Variants in THSD7B observed in about 807,000 individuals in gnomAD.
THSD7B encodes the protein thrombospondin type 1 domain containing 7B.
THSD7B carries 138 observed loss-of-function variants against 213.6 expected under a neutral mutation model. The observed-to-expected ratio is 0.65, with a 90% CI of 0.56 to 0.74. The LOEUF (loss-of-function observed/expected upper bound fraction) is 0.74, where lower values mean the gene tolerates loss of function less well. Among genes scored for constraint, THSD7B ranks in the 30% least tolerant of loss-of-function variants. The pLI is 0.00. For missense variants in THSD7B, 1,931 were observed against 1,991.5 expected, an observed-to-expected ratio of 0.97 and a Z score of 0.58; for synonymous variants, 742 against 687.0, an observed-to-expected ratio of 1.08 and a Z score of -1.25.
intron 5 of THSD7B, among the ~76,000 whole-genome samples, chr2:137,158,366 T>A (rs1458858149): frequency 6.6e-6 from 1 of 152,152 alleles, no homozygotes; most frequent in African/African-American, 2.4e-5. Flanking sequence ...TGCCACCTCT[T>A]CTCAGCCTCC....
intron 17 of THSD7B, among the ~76,000 whole-genome samples, chr2:137,580,389 A>G (rs1422457806): frequency 6.6e-6 from 1 of 152,172 alleles, no homozygotes; most frequent in Non-Finnish European, 1.5e-5. Flanking sequence ...TATTACAGGA[A>G]TATCTTGCAT....
intron 3 of THSD7B, among the ~76,000 whole-genome samples, chr2:137,061,745 T>A (rs1485649415): frequency 1.3e-5 from 2 of 151,796 alleles, no homozygotes; most frequent in African/African-American, 4.8e-5. Flanking sequence ...TTTTACATAG[T>A]GTTGGATTTG....
chr2:137,645,687 C>A (rs935360423), intron 21 of THSD7B, among the ~76,000 whole-genome samples: 18 of 150,712 alleles, frequency 1.2e-4, no homozygotes, highest in Admixed American at 9.9e-4. Context: ...AAAAAAAAAA[C>A]CACTTTAATA....
chr2:137,625,426 T>A (rs920539709), intron 20 of THSD7B, among the ~76,000 whole-genome samples: 1 of 151,702 alleles, frequency 6.6e-6, no homozygotes, highest in African/African-American at 2.4e-5. Flanking sequence ...TATACCTATG[T>A]AACAAACCTG....
intron 17 of THSD7B, among the ~76,000 whole-genome samples, chr2:137,591,332 G>GT (rs1395790189): frequency 6.6e-6 from 1 of 151,852 alleles, no homozygotes; most frequent in Non-Finnish European, 1.5e-5. Context: ...TTTGGGCAGA[G>GT]TGGAATGGTA....
intron 14 of THSD7B, among the ~76,000 whole-genome samples, chr2:137,443,273 A>G (rs1687458682): frequency 6.6e-6 from 1 of 152,164 alleles, no homozygotes; most frequent in African/African-American, 2.4e-5. Flanking sequence ...AGTTCTTTAT[A>G]GGATTTGGCT....
intron 4 of THSD7B, among the ~76,000 whole-genome samples, chr2:137,113,607 G>T (rs1688391867): frequency 6.6e-6 from 1 of 151,844 alleles, no homozygotes; most frequent in Admixed American, 6.6e-5. Context: ...CGGCTAATTT[G>T]GGATTTTTAG....
intron 15 of THSD7B, among the ~76,000 whole-genome samples, chr2:137,478,741 G>C (rs563344836): frequency 5.2e-4 from 79 of 152,222 alleles, no homozygotes; most frequent in African/African-American, 1.8e-3. Context: ...TCCTAAAGTT[G>C]TATCTATGGT....
rs1682770057 is a variant in THSD7B, at chr2:137,272,541, A to G, written c.2275A>G (p.Thr759Ala). The stretch of plus-strand genomic sequence containing the variant: ...TTTTTCCTTTACTTCAGGAAATGCC[A>G]CAGTAAAACAGTCTCGATACAGAAT... ...CPRMCQAGNA[T>A]VKQSRYRIII... The change falls in exon 11 of 28, where the codon ACA (threonine) becomes GCA (alanine). Residue 759 changes from threonine (T) to alanine (A), a missense_variant. Transcript: ENST00000409968. The G allele has an allele frequency of 1.2e-6, 2 of 1,604,596 alleles. No individual in the cohort carries two copies. The highest frequency in any genetic ancestry group is 1.7e-6 in the Non-Finnish European group (2 of 1,177,198).
intron 15 of THSD7B, among the ~76,000 whole-genome samples, chr2:137,554,156 T>C (rs1680904571): frequency 6.6e-6 from 1 of 152,172 alleles, no homozygotes; most frequent in Admixed American, 6.5e-5. Flanking sequence ...TAATCATCCT[T>C]TGTGCTTTCT....
At chr2:137,113,313 A>G (rs942397591) in intron 4 of THSD7B, among the ~76,000 whole-genome samples, 1 of 152,228 alleles carries the variant, frequency 6.6e-6, no homozygotes, top group African/African-American at 2.4e-5. Context: ...TGTGAGGAGA[A>G]AGGGTTTCAG....
chr2:137,574,998 C>T (rs940562213), intron 17 of THSD7B, among the ~76,000 whole-genome samples: 2 of 151,982 alleles, frequency 1.3e-5, no homozygotes, highest in African/African-American at 4.8e-5. Flanking sequence ...TGATAGTCTG[C>T]AGTGTGACAT....
At chr2:136,939,607 C>G (rs1173213430) in intron 2 of THSD7B, among the ~76,000 whole-genome samples, 3 of 152,184 alleles carry the variant, frequency 2.0e-5, no homozygotes, top group Non-Finnish European at 4.4e-5. Context: ...TCTTTCCTGT[C>G]TCTTCCAAGA....
At chr2:137,616,557 G>C (rs1682391021) in intron 18 of THSD7B, among the ~76,000 whole-genome samples, 1 of 152,114 alleles carries the variant, frequency 6.6e-6, no homozygotes, top group African/African-American at 2.4e-5. Context: ...GAAAGATTTG[G>C]CAACATTTCA....
chr2:137,120,709 C>T (rs540424691), intron 5 of THSD7B, among the ~76,000 whole-genome samples: 3 of 152,306 alleles, frequency 2.0e-5, no homozygotes, highest in Admixed American at 6.5e-5. Context: ...CTCACAGATG[C>T]TCCAGATCTC....
chr2:137,259,934 C>CGT (rs139340910), intron 10 of THSD7B, among the ~76,000 whole-genome samples: 2,020 of 149,796 alleles, frequency 0.013, 17 homozygotes, highest in Non-Finnish European at 0.015. Flanking sequence ...TGGGTGTGTG[C>CGT]GTGTGTGTGT....
chr2:136,796,454 T>C (rs1377626650), intron 1 of THSD7B, among the ~76,000 whole-genome samples: 1 of 151,946 alleles, frequency 6.6e-6, no homozygotes, highest in Non-Finnish European at 1.5e-5. Context: ...GCCATCTAAT[T>C]CACACAGGTC....
chr2:137,120,976 G>A (rs1688535995), intron 5 of THSD7B, among the ~76,000 whole-genome samples: 1 of 152,138 alleles, frequency 6.6e-6, no homozygotes, highest in Non-Finnish European at 1.5e-5. Context: ...AAGAGTTAAG[G>A]AACAAAAGAA....
intron 2 of THSD7B, among the ~76,000 whole-genome samples, chr2:136,934,940 TAGAC>T (rs147002492): frequency 0.16 from 24,277 of 152,014 alleles, 2,406 homozygotes; most frequent in East Asian, 0.44. Context: ...TTTTAGCAAA[TAGAC>T]AGATTAATAG....
Sources: gnomAD v4.1 joint callset for allele counts (sites outside exome capture counted in the v4.1 genomes callset) on GRCh38, gnomAD v4.1.1 for gene constraint, MANE v1.5 for transcripts, NCBI Gene and HGNC (gene_info 2026-07-23, HGNC 2026-07-21) for gene names.